The following TRHDE variants were observed in gnomAD, a reference collection of about 807,000 sequenced individuals.
TRHDE encodes the protein thyrotropin-releasing hormone-degrading ectoenzyme.
A neutral mutation model predicts 125.7 loss-of-function variants in TRHDE; 72 were observed. The observed-to-expected ratio is 0.57, with a 90% CI of 0.47 to 0.70. The LOEUF is 0.70. Ranked by LOEUF, TRHDE falls within the 30% of genes least tolerant of loss-of-function variation. TRHDE has a pLI of 0.00. For missense variants in TRHDE, 1,110 were observed against 1,327.1 expected (o/e 0.84, Z 2.54); for synonymous variants, 509 against 509.1 (o/e 1.00, Z 0.00).
chr12:72,240,616 C>CTGGA (rs919414368), intron 2 of TRHDE, among the ~76,000 whole-genome samples: 4 of 151,872 alleles, frequency 2.6e-5, no homozygotes, highest in African/African-American at 7.2e-5. Flanking sequence ...GTCACCCAGG[C>CTGGA]TGGAGTACAG....
intron 1 of TRHDE, among the ~76,000 whole-genome samples, chr12:72,094,735 A>G (rs965120016): frequency 1.4e-4 from 22 of 152,204 alleles, no homozygotes; most frequent in African/African-American, 5.1e-4. Flanking sequence ...AAGGCCAAAT[A>G]AGGTTGCAGC....
rs1001653855 is a variant in TRHDE, at chr12:72,392,797, T to A, written c.1315+14676T>A. ...TCTCTGAAAGGCACTTATTCAAGATTTATTTTTCTACATTTTTGTACATGC... is the reference window on the plus strand; with the variant it reads ...TCTCTGAAAGGCACTTATTCAAGATATATTTTTCTACATTTTTGTACATGC... On this transcript the variant is annotated intron_variant, in intron 3 of 18. Coordinates refer to ENST00000261180, the MANE Select transcript of TRHDE (RefSeq NM_013381.3). 3.3e-5 allele frequency among the ~76,000 whole-genome samples: 5 copies of A among 152,306 alleles called. No individual in the cohort carries two copies. The South Asian group carries it at 1.0e-3, about 32-fold the overall frequency.
chr12:72,635,427 G>A (rs1319721547), intron 15 of TRHDE, among the ~76,000 whole-genome samples: 21 of 151,782 alleles, frequency 1.4e-4, no homozygotes, highest in Middle Eastern at 3.4e-3. Context: ...AGTAGGTTGC[G>A]AAAATTTTCT....
chr12:72,175,149 C>CT (rs1195720696), intron 2 of TRHDE, among the ~76,000 whole-genome samples: 4 of 152,274 alleles, frequency 2.6e-5, no homozygotes, highest in Middle Eastern at 6.8e-3. Context: ...AGCAATTCCC[C>CT]TTTTTTGCCT....
intron 3 of TRHDE, among the ~76,000 whole-genome samples, chr12:72,457,572 CA>C (rs1565749393): frequency 6.8e-6 from 1 of 148,142 alleles, no homozygotes. Context: ...TTTTTTTCCT[CA>C]GGGGCTTCAA....
chr12:72,300,593 G>A (rs1880469987), intron 2 of TRHDE, among the ~76,000 whole-genome samples: 1 of 151,452 alleles, frequency 6.6e-6, no homozygotes, highest in Non-Finnish European at 1.5e-5. Context: ...TGTATACTGA[G>A]CAGCTCAAAG....
intron 17 of TRHDE, among the ~76,000 whole-genome samples, chr12:72,655,450 A>G (rs1874671125): frequency 1.3e-5 from 2 of 151,978 alleles, no homozygotes; most frequent in African/African-American, 2.4e-5. Flanking sequence ...TTCTTTGTTT[A>G]TGTTCATCTT....
At chr12:72,474,364 T>A (rs1017118613) in intron 5 of TRHDE, among the ~76,000 whole-genome samples, 1 of 152,158 alleles carries the variant, frequency 6.6e-6, no homozygotes, top group Non-Finnish European at 1.5e-5. Context: ...TGCTCTATAG[T>A]AGATCTCTAG....
At chr12:72,419,769 T>G (rs187618247) in intron 3 of TRHDE, among the ~76,000 whole-genome samples, 1 of 152,236 alleles carries the variant, frequency 6.6e-6, no homozygotes, top group East Asian at 1.9e-4. Flanking sequence ...ATTAGCAGAT[T>G]AAGGGAGATA....
intron 2 of TRHDE, among the ~76,000 whole-genome samples, chr12:72,147,047 T>C (rs1465678351): frequency 6.6e-6 from 1 of 152,094 alleles, no homozygotes; most frequent in East Asian, 1.9e-4. Context: ...TCTCTTTCTC[T>C]GCTGCATCAT....
chr12:72,558,993 C>T (rs958545267), intron 7 of TRHDE, among the ~76,000 whole-genome samples: 1 of 152,062 alleles, frequency 6.6e-6, no homozygotes, highest in African/African-American at 2.4e-5. Flanking sequence ...TTCCAATGTT[C>T]TGATTTCTTA....
At chr12:72,428,203 A>G (rs190642951) in intron 3 of TRHDE, among the ~76,000 whole-genome samples, 17 of 152,216 alleles carry the variant, frequency 1.1e-4, no homozygotes, top group African/African-American at 3.6e-4. Flanking sequence ...CTAGGGACAT[A>G]TTTCTATGTC....
chr12:72,233,162 G>A (rs1437934335), intron 2 of TRHDE, among the ~76,000 whole-genome samples: 1 of 152,166 alleles, frequency 6.6e-6, no homozygotes, highest in South Asian at 2.1e-4. Context: ...ACAACCTTTA[G>A]TAATAGAGCT....
At chr12:72,640,152 C>G (rs1221322252) in intron 15 of TRHDE, among the ~76,000 whole-genome samples, 1 of 152,148 alleles carries the variant, frequency 6.6e-6, no homozygotes, top group Non-Finnish European at 1.5e-5. Flanking sequence ...TAGCAATCAG[C>G]GAGACTCCGT....
At chr12:72,435,604 A>AT (rs1289480861) in intron 3 of TRHDE, among the ~76,000 whole-genome samples, 3 of 151,268 alleles carry the variant, frequency 2.0e-5, no homozygotes, top group African/African-American at 7.3e-5. Context: ...AATTTTGTGG[A>AT]TACAGTACTT....
At chr12:72,548,582 AATT>A (rs1285252093) in intron 7 of TRHDE, among the ~76,000 whole-genome samples, 11 of 151,682 alleles carry the variant, frequency 7.3e-5, no homozygotes, top group Admixed American at 6.6e-4. Flanking sequence ...TAATTCAAGT[AATT>A]ATTCTTTTGG....
chr12:72,238,313 T>TACAC (rs1403107340), intron 2 of TRHDE, among the ~76,000 whole-genome samples: 4 of 34,614 alleles, frequency 1.2e-4, no homozygotes, highest in African/African-American at 4.0e-4. Flanking sequence ...TATATATATA[T>TACAC]ATATATATAC....
intron 6 of TRHDE, among the ~76,000 whole-genome samples, chr12:72,505,177 A>G (rs540737820): frequency 7.9e-5 from 12 of 152,284 alleles, no homozygotes; most frequent in South Asian, 4.1e-4. Flanking sequence ...TAGTCCCAAG[A>G]CCATTATTAA....
intron 12 of TRHDE, among the ~76,000 whole-genome samples, chr12:72,581,961 G>A (rs1871250847): frequency 6.6e-6 from 1 of 151,890 alleles, no homozygotes; most frequent in African/African-American, 2.4e-5. Flanking sequence ...AATTAGCCGG[G>A]CAAGGTGGCA....
Sources: gnomAD v4.1 joint callset for allele counts (sites outside exome capture counted in the v4.1 genomes callset) on GRCh38, gnomAD v4.1.1 for gene constraint, MANE v1.5 for transcripts, NCBI Gene and HGNC (gene_info 2026-07-23, HGNC 2026-07-21) for gene names.